The following DUSP4 variants were observed in gnomAD, a reference collection of about 807,000 sequenced individuals.
DUSP4 encodes dual specificity phosphatase 4, also known as dual specificity protein phosphatase 4.
DUSP4 carries 12 observed loss-of-function variants against 27.2 expected under a neutral mutation model. That is an observed-to-expected ratio of 0.44 (90% CI 0.28 to 0.71). The LOEUF (loss-of-function observed/expected upper bound fraction) is 0.71, where lower values mean the gene tolerates loss of function less well. DUSP4 is among the 30% of genes least tolerant of loss of function. The pLI, the probability that DUSP4 is intolerant of heterozygous loss-of-function variation, is 0.14. For synonymous variants in DUSP4, 257 were observed against 245.2 expected, an observed-to-expected ratio of 1.05 and a Z score of -0.45; for missense variants, 448 against 551.3, an observed-to-expected ratio of 0.81 and a Z score of 1.88.
In DUSP4 at chr8:29,337,439, C is replaced by G; in HGVS notation, c.800-28G>C. 1 of 1,567,980 alleles carries G rather than the reference C, an allele frequency of 6.4e-7. No homozygotes were observed. Among genetic ancestry groups the G allele is most frequent in the Non-Finnish European group, 8.6e-7 (1 of 1,160,956 alleles). ...GGGGACAGGGTTCAATAGGTTAGTG[C>G]ACGTTTCTGCAGACCCCAGCCCCGA... On this transcript the variant is annotated intron_variant, in intron 3 of 3. Coordinates refer to ENST00000240100, the MANE Select transcript of DUSP4 (RefSeq NM_001394.7). This position sits in a 1 kb window ranked among gnomAD's most constrained non-coding sequence, Gnocchi z 6.4.
intron 1 of DUSP4, chr8:29,346,062 A>C (rs1190882573): frequency 1.0e-6 from 1 of 985,066 alleles, no homozygotes; most frequent in Non-Finnish European, 1.2e-6. Context: ...AGACAGAGAG[A>C]GCAATGGTGG....
Position 29,344,998 on chromosome 8 carries a change from C to T in DUSP4, c.434-4755G>A, listed in dbSNP as rs540605696. The stretch of plus-strand genomic sequence containing the variant: ...CTGAGATTACAGGCACATGCCATCT[C>T]GCCCGGCTAATTTTTGCATTTTTTG... On this transcript the variant is annotated intron_variant, in intron 1 of 3. Coordinates refer to ENST00000240100, the MANE Select transcript of DUSP4 (RefSeq NM_001394.7). Among the ~76,000 whole-genome samples the T allele has an allele frequency of 7.9e-5, 12 of 152,244 alleles. No homozygotes were observed. The South Asian group carries it at 2.3e-3, about 29-fold the overall frequency.
intron 1 of DUSP4, chr8:29,347,727 C>T: frequency 3.0e-6 from 3 of 984,508 alleles, no homozygotes; most frequent in Non-Finnish European, 3.6e-6. Flanking sequence ...AGGAAACAGC[C>T]CTTAAAGTAC....
At chr8:29,349,250 T>C (rs1284265105) in intron 1 of DUSP4, among the ~76,000 whole-genome samples, 3 of 152,230 alleles carry the variant, frequency 2.0e-5, no homozygotes, top group Non-Finnish European at 2.9e-5. Context: ...GGGACGGGGA[T>C]TGGCCACCTT....
intron 1 of DUSP4, among the ~76,000 whole-genome samples, chr8:29,343,195 G>T (rs1817680583): frequency 6.7e-6 from 1 of 149,684 alleles, no homozygotes; most frequent in Non-Finnish European, 1.5e-5. Context: ...AAGGAACAAG[G>T]TGAAGAAGCA....
intron 1 of DUSP4, among the ~76,000 whole-genome samples, chr8:29,346,444 G>C (rs1817735747): frequency 6.6e-6 from 1 of 152,138 alleles, no homozygotes; most frequent in African/African-American, 2.4e-5. Context: ...AAAGAATAGG[G>C]TAAGAAAAAG....
intron 1 of DUSP4, chr8:29,345,482 G>A: frequency 6.2e-7 from 1 of 1,606,304 alleles, no homozygotes; most frequent in Non-Finnish European, 8.5e-7. Context: ...TGGGCGATCT[G>A]CTATGTTCAG....
At chr8:29,343,758 G>C (rs2117272627) in intron 1 of DUSP4, among the ~76,000 whole-genome samples, 1 of 152,332 alleles carries the variant, frequency 6.6e-6, no homozygotes, top group Admixed American at 6.5e-5. Flanking sequence ...AGGATGCACT[G>C]CCCTTAAAGA....
intron 1 of DUSP4, among the ~76,000 whole-genome samples, chr8:29,341,202 A>G (rs1034586706): frequency 1.3e-5 from 2 of 152,226 alleles, no homozygotes; most frequent in African/African-American, 4.8e-5. Context: ...CAATTGATTC[A>G]GTAGGGCCTG....
In DUSP4 at chr8:29,350,275, C is replaced by G; in HGVS notation, c.4G>C (p.Val2Leu). Residue 2 changes from valine to leucine, a missense_variant, in exon 1 of 4, where the codon GTG becomes CTG. Physicochemically the swap from Val to Leu is conservative, Grantham distance 32. Around this residue, in one of 3 missense-constraint regions of DUSP4, gnomAD observed 345 missense variants for 394.0 expected, o/e 0.88. Transcript: ENST00000240100. ...ATCTCCCGCAGCTCCTCCATCGTCA[C>G]CATGGTCGCCGGGAACCGAGGCGGC... M[V>L]TMEELREMDC... 6.4e-7 allele frequency: 1 copy of G among 1,571,752 alleles called. No homozygotes were observed. The highest frequency in any genetic ancestry group is 8.6e-7 in the Non-Finnish European group (1 of 1,157,722).
intron 2 of DUSP4, among the ~76,000 whole-genome samples, 182 bp from the exon 3 acceptor site, chr8:29,338,683 T>G (rs1351023210): frequency 6.6e-6 from 1 of 152,118 alleles, no homozygotes; most frequent in Non-Finnish European, 1.5e-5. Flanking sequence ...ATAGGCCCAG[T>G]GGGACTTCTC....
intron 2 of DUSP4, among the ~76,000 whole-genome samples, chr8:29,339,414 G>A (rs1173620224): frequency 6.6e-6 from 1 of 152,148 alleles, no homozygotes; most frequent in Non-Finnish European, 1.5e-5. Flanking sequence ...ATACGTGGGA[G>A]CAGCCTGCCT....
chr8:29,344,711 GGA>G (rs1817702590), intron 1 of DUSP4, among the ~76,000 whole-genome samples: 2 of 152,166 alleles, frequency 1.3e-5, no homozygotes, highest in African/African-American at 4.8e-5. Flanking sequence ...TGCAGGAGTA[GGA>G]GATAATGTAT....
At chr8:29,345,659 T>C in intron 1 of DUSP4, 3 of 1,456,294 alleles carry the variant, frequency 2.1e-6, no homozygotes, top group Non-Finnish European at 2.7e-6. Flanking sequence ...CTCTCCCTCA[T>C]TTTTCTGAGC....
intron 1 of DUSP4, among the ~76,000 whole-genome samples, chr8:29,347,523 T>C (rs973116884): frequency 6.6e-6 from 1 of 152,198 alleles, no homozygotes; most frequent in Non-Finnish European, 1.5e-5. Flanking sequence ...AGGTGCTTGC[T>C]TCCAAGGGCA....
intron 1 of DUSP4, among the ~76,000 whole-genome samples, chr8:29,343,018 A>C (rs898266949): frequency 6.6e-6 from 1 of 151,976 alleles, no homozygotes; most frequent in African/African-American, 2.4e-5. Flanking sequence ...ATACAAAAAA[A>C]TTAGCCGGGC....
Position 29,350,196 on chromosome 8 carries a change from GCGCCGCCGC to G in DUSP4, c.74_82del (p.Gly25_Gly27del). 1 of 1,607,676 alleles carries G rather than the reference GCGCCGCCGC, an allele frequency of 6.2e-7. No homozygotes were observed. The stretch of plus-strand genomic sequence containing the variant: ...GGTGCCGTGGCTGCCGCTGCCGCCC[GCGCCGCCGC>G]CATTCTCGTCCCGGTTCATCAGCCT... On this transcript the variant is annotated inframe_deletion, in exon 1 of 4. Transcript: ENST00000240100.
intron 1 of DUSP4, among the ~76,000 whole-genome samples, chr8:29,344,367 T>C (rs1817697626): frequency 6.6e-6 from 1 of 152,248 alleles, no homozygotes; most frequent in Admixed American, 6.5e-5. Context: ...TTTGAATGTA[T>C]GAAATGAATG....
chr8:29,348,574 T>G, intron 1 of DUSP4: 1 of 985,554 alleles, frequency 1.0e-6, no homozygotes, highest in Non-Finnish European at 1.2e-6. Flanking sequence ...AGGAAACAAC[T>G]GCGGGGAACA....
Sources: gnomAD v4.1 joint callset for allele counts (sites outside exome capture counted in the v4.1 genomes callset) on GRCh38, gnomAD v4.1.1 for gene constraint, gnomAD v4.1.1 regional missense constraint, Gnocchi (gnomAD v3.1) non-coding constraint, MANE v1.5 for transcripts, NCBI Gene and HGNC (gene_info 2026-07-23, HGNC 2026-07-21) for gene names.